IKBKB: variants seen among roughly 807,000 people sequenced by gnomAD.
IKBKB encodes inhibitor of nuclear factor kappa B kinase subunit beta.
In IKBKB, 42 loss-of-function variants were observed where a neutral mutation model predicts 113.6. The ratio of observed to expected loss-of-function variants is 0.37; its 90% CI spans 0.29 to 0.48. IKBKB has a LOEUF of 0.48. Among genes scored for constraint, IKBKB ranks in the 20% least tolerant of loss-of-function variants. The pLI, the probability that IKBKB is intolerant of heterozygous loss-of-function variation, is 0.99. For synonymous variants in IKBKB, 296 were observed against 361.3 expected, an observed-to-expected ratio of 0.82 and a Z score of 2.05; for missense variants, 673 against 939.7, an observed-to-expected ratio of 0.72 and a Z score of 3.71.
chr8:42,323,836 G>GTGCCA (rs1200368124), intron 19 of IKBKB, among the ~76,000 whole-genome samples: 1 of 152,178 alleles, frequency 6.6e-6, no homozygotes, highest in Non-Finnish European at 1.5e-5. Context: ...ATAGCCTGAT[G>GTGCCA]TGCCATCTAC....
intron 7 of IKBKB, 123 bp from the exon 8 acceptor site, chr8:42,308,778 C>G: frequency 1.2e-6 from 1 of 865,816 alleles, no homozygotes; most frequent in Non-Finnish European, 1.8e-6. Flanking sequence ...CCTCGCCCTG[C>G]ATGCATGTGC....
At chr8:42,290,035 T>C in intron 3 of IKBKB, 121 bp from the exon 4 acceptor site, 1 of 706,294 alleles carries the variant, frequency 1.4e-6, no homozygotes. Flanking sequence ...CTGGGCTCTG[T>C]CTTCCTCTGT....
chr8:42,301,804 G>C (rs1815267298), intron 5 of IKBKB, among the ~76,000 whole-genome samples: 1 of 152,138 alleles, frequency 6.6e-6, no homozygotes, highest in Admixed American at 6.6e-5. Context: ...CGGTGCCTTT[G>C]GTCTAATCCG....
In IKBKB at chr8:42,295,494, A is replaced by T. The variant is rs570514192; in HGVS notation, c.388+1982A>T. 7.9e-5 allele frequency among the ~76,000 whole-genome samples: 12 copies of T among 152,260 alleles called. No homozygotes were observed. In the South Asian group the frequency reaches 2.3e-3, roughly 29 times the overall value. On this transcript the variant is annotated intron_variant, in intron 5 of 21. Coordinates refer to ENST00000520810, the MANE Select transcript of IKBKB (RefSeq NM_001556.3). Reference sequence around the variant, plus strand: ...GCAATCCCAGCACTTTGGGGGGCTGATGCGGGTGGATCACAAGGTCAGGAG... The same window carrying T: ...GCAATCCCAGCACTTTGGGGGGCTGTTGCGGGTGGATCACAAGGTCAGGAG...
At chr8:42,286,920 G>A (rs1359972895) in intron 2 of IKBKB, among the ~76,000 whole-genome samples, 1 of 152,204 alleles carries the variant, frequency 6.6e-6, no homozygotes, top group Non-Finnish European at 1.5e-5. Context: ...GTGTGTGCGG[G>A]TAGGGAGTTT....
At chr8:42,286,338 G>C (rs892468438) in intron 2 of IKBKB, among the ~76,000 whole-genome samples, 1 of 152,062 alleles carries the variant, frequency 6.6e-6, no homozygotes, top group African/African-American at 2.4e-5. Flanking sequence ...GTATGTGGAG[G>C]TTTCCATTTT....
chr8:42,272,316 T>G (rs1368433048), intron 2 of IKBKB, 111 bp downstream of exon 2: 1 of 1,457,500 alleles, frequency 6.9e-7, no homozygotes, highest in Non-Finnish European at 9.5e-7. Flanking sequence ...TTTGGTCATC[T>G]TGGGACAGTG....
At chr8:42,284,937 A>T (rs1585568743) in intron 2 of IKBKB, among the ~76,000 whole-genome samples, 1 of 149,066 alleles carries the variant, frequency 6.7e-6, no homozygotes, top group African/African-American at 2.5e-5. Flanking sequence ...GTTCACTGCA[A>T]CCTCTGACAC....
At chr8:42,330,788 A>G in intron 21 of IKBKB, 126 bp from the exon 22 acceptor site, 1 of 1,522,118 alleles carries the variant, frequency 6.6e-7, no homozygotes, top group Non-Finnish European at 8.8e-7. Context: ...GATTATAGGC[A>G]TGAGCCACTG....
chr8:42,293,654 C>G (rs1042136873), intron 5 of IKBKB, 142 bp downstream of exon 5: 2 of 1,449,568 alleles, frequency 1.4e-6, no homozygotes, highest in Non-Finnish European at 1.9e-6. Flanking sequence ...ACGGGGGACC[C>G]TGGTGGAGTA....
intron 2 of IKBKB, among the ~76,000 whole-genome samples, chr8:42,286,184 GAA>G (rs1172531984): frequency 6.6e-6 from 1 of 152,214 alleles, no homozygotes; most frequent in Non-Finnish European, 1.5e-5. Flanking sequence ...GAGTATTTTA[GAA>G]GTGTTGACAG....
intron 2 of IKBKB, among the ~76,000 whole-genome samples, chr8:42,275,759 T>C (rs1233904956): frequency 1.3e-5 from 2 of 152,260 alleles, no homozygotes; most frequent in African/African-American, 4.8e-5. Context: ...AGGGTGCCCA[T>C]ATCTCTTTGA....
Position 42,319,618 on chromosome 8 carries a change from T to C in IKBKB, c.1550T>C (p.Met517Thr), listed in dbSNP as rs1201594733. The change falls in exon 15 of 22, where the codon ATG (methionine) becomes ACG (threonine). Residue 517 changes from methionine (M) to threonine (T), a missense_variant. By Grantham distance (81) the Met-to-Thr change is moderately conservative (BLOSUM62 -1). This residue lies in a region of IKBKB where 506 missense variants were observed against 638.7 expected (regional missense o/e 0.79). Coordinates refer to ENST00000520810, the MANE Select transcript of IKBKB (RefSeq NM_001556.3). ...AAACTGCTGCTGGCCTGGAGGGAAA[T>C]GGAGCAGGCTGTGGAGCTCTGTGGG... The part of the protein sequence containing the change: ...SDKLLLAWRE[M>T]EQAVELCGRE... 3 of 1,595,804 alleles carry C rather than the reference T, an allele frequency of 1.9e-6. No individual in the cohort carries two copies. The highest frequency in any genetic ancestry group is 1.8e-5 in the Admixed American group (1 of 55,298).
At chr8:42,298,452 T>C (rs564949785) in intron 5 of IKBKB, 8 of 985,396 alleles carry the variant, frequency 8.1e-6, no homozygotes, top group Middle Eastern at 5.2e-4. Context: ...ACATTTGGCT[T>C]TGGGGAAGAG....
rs149137498 is a variant in IKBKB, at chr8:42,317,275, G to T, written c.1125+371G>T. 3.4e-4 allele frequency: 143 copies of T among 426,456 alleles called. 1 individual carries two copies. The East Asian group carries it at 7.0e-3, about 21-fold the overall frequency. 26.4% of individuals were successfully genotyped at this position (426,456 alleles called of 1,614,324 possible). ...ACTGAAAGTATTTATGATGGCCTCT[G>T]TGTACAGAACTGGGTTAGGCACCTG... On this transcript the variant is annotated intron_variant, in intron 11 of 21. Coordinates refer to ENST00000520810, the MANE Select transcript of IKBKB (RefSeq NM_001556.3).
chr8:42,322,725 G>A (rs1436089596), intron 19 of IKBKB, among the ~76,000 whole-genome samples: 2 of 152,198 alleles, frequency 1.3e-5, no homozygotes, highest in Admixed American at 6.5e-5. Flanking sequence ...TGTGGCTACT[G>A]TAAAGATTAG....
At chr8:42,276,777 C>T (rs1809193340) in intron 2 of IKBKB, among the ~76,000 whole-genome samples, 1 of 151,538 alleles carries the variant, frequency 6.6e-6, no homozygotes, top group African/African-American at 2.4e-5. Context: ...TCACTGCAGC[C>T]TCTATCTCCT....
chr8:42,292,944 G>A (rs1812958664), intron 4 of IKBKB, among the ~76,000 whole-genome samples: 1 of 152,154 alleles, frequency 6.6e-6, no homozygotes, highest in Admixed American at 6.5e-5. Context: ...AGGCTTTGCT[G>A]AGCTAATCTG....
At chr8:42,321,253 T>G (rs1427385346) in intron 16 of IKBKB, 1 of 162,908 alleles carries the variant, frequency 6.1e-6, no homozygotes, top group Non-Finnish European at 1.3e-5. Flanking sequence ...AAACTATTCG[T>G]TTGAGTCTTT....
Sources: allele counts gnomAD v4.1 joint callset (sites outside exome capture counted in the v4.1 genomes callset), GRCh38; gene constraint gnomAD v4.1.1; regional missense constraint gnomAD v4.1.1; transcripts MANE v1.5; gene names NCBI Gene and HGNC (gene_info 2026-07-23, HGNC 2026-07-21).